Variants in RIMBP2 observed in about 807,000 individuals in gnomAD.
The protein encoded by RIMBP2 is RIMS-binding protein 2.
In RIMBP2, 48 loss-of-function variants were observed where a neutral mutation model predicts 118.6. The observed-to-expected ratio is 0.40, with a 90% CI of 0.32 to 0.51. RIMBP2 has a LOEUF of 0.51. Among genes scored for constraint, RIMBP2 ranks in the 20% least tolerant of loss-of-function variants. The pLI is 0.41. For synonymous variants in RIMBP2, 762 were observed against 742.9 expected (o/e 1.03, Z -0.42); for missense variants, 1,551 against 1,768.3 (o/e 0.88, Z 2.20).
chr12:130,548,620 C>A (rs762169114), intron 2 of RIMBP2, among the ~76,000 whole-genome samples: 4 of 152,074 alleles, frequency 2.6e-5, no homozygotes, highest in Admixed American at 6.5e-5. Context: ...GTCACCCAAG[C>A]TGGAGTGCAG....
chr12:130,479,863 C>T (rs960883923), intron 4 of RIMBP2, among the ~76,000 whole-genome samples: 3 of 151,716 alleles, frequency 2.0e-5, no homozygotes, highest in Non-Finnish European at 2.9e-5. Flanking sequence ...GCTTAATCCC[C>T]AGTGCTCAGG....
chr12:130,673,973 C>G (rs1331513485), intron 1 of RIMBP2, among the ~76,000 whole-genome samples: 1 of 146,782 alleles, frequency 6.8e-6, no homozygotes, highest in Admixed American at 6.7e-5. Flanking sequence ...AAAAAATTAG[C>G]CAGGTGGCGT....
intron 7 of RIMBP2, among the ~76,000 whole-genome samples, chr12:130,456,054 T>C (rs2079408447): frequency 6.6e-6 from 1 of 152,086 alleles, no homozygotes; most frequent in South Asian, 2.1e-4. Flanking sequence ...AACAAGTTAC[T>C]GAGATGAGAA....
chr12:130,528,279 G>A lies in RIMBP2; in HGVS notation c.-216-10362C>T, dbSNP rs150355835. 3.3e-5 allele frequency among the ~76,000 whole-genome samples: 5 copies of A among 152,300 alleles called. No homozygotes were observed. The South Asian group carries it at 6.2e-4, about 19-fold the overall frequency. ...ACTATGCAGCCATAAAAAGGAATGA[G>A]ATCATGTCCTTTGCAGGGACATGGA... On this transcript the variant is annotated intron_variant, in intron 2 of 22. Transcript: ENST00000690449.
In RIMBP2 at chr12:130,471,412, G is replaced by A. The variant is rs78596057; in HGVS notation, c.103-669C>T. Among the ~76,000 whole-genome samples the A allele has an allele frequency of 4.0e-3, 615 of 152,282 alleles. 10 individuals carry two copies. Among genetic ancestry groups the A allele is most frequent in the African/African-American group, 0.014 (575 of 41,554 alleles). ...CGTTATTTCTTGTCCTCACAGGCCC[G>A]GAAGTCCCAGCATCATCATGATGGT... On this transcript the variant is annotated intron_variant, in intron 5 of 22. Coordinates refer to ENST00000690449, the MANE Select transcript of RIMBP2 (RefSeq NM_001393629.1).
chr12:130,454,324 CAG>C (rs1269989834), intron 7 of RIMBP2, among the ~76,000 whole-genome samples: 1 of 152,184 alleles, frequency 6.6e-6, no homozygotes, highest in Non-Finnish European at 1.5e-5. Flanking sequence ...TAAACACATT[CAG>C]AGAGTGGGGG....
rs754200790 is a variant in RIMBP2 at position 130,575,637 on chromosome 12, G to A, written c.-217+52685C>T. 4.6e-5 allele frequency among the ~76,000 whole-genome samples: 7 copies of A among 152,136 alleles called. 1 individual carries two copies. The highest frequency in any genetic ancestry group is 7.2e-5 in the African/African-American group (3 of 41,434). On this transcript the variant is annotated intron_variant, in intron 2 of 22. Transcript: ENST00000690449. ...AAACACACAAAGCTTTGTTCTCCTC[G>A]TCGTGCAGCGTGCTACCTAGCACAT...
At chr12:130,483,064 C>T (rs1270330731) in intron 4 of RIMBP2, among the ~76,000 whole-genome samples, 2 of 49,334 alleles carry the variant, frequency 4.1e-5, no homozygotes, top group Non-Finnish European at 8.2e-5. Context: ...TGTGTGTGTA[C>T]ATGTGTCAGA....
In RIMBP2 at chr12:130,587,838, A is replaced by T. The variant is rs144059757; in HGVS notation, c.-217+40484T>A. Among the ~76,000 whole-genome samples, 1,472 of 150,612 alleles carry T rather than the reference A, an allele frequency of 9.8e-3. 33 individuals carry two copies. Among genetic ancestry groups the T allele is most frequent in the African/African-American group, 0.034 (1,395 of 40,866 alleles). On this transcript the variant is annotated intron_variant, in intron 2 of 22. Coordinates refer to ENST00000690449, the MANE Select transcript of RIMBP2 (RefSeq NM_001393629.1). ...AAAACTTAAAGTATAATAAAAAAAA[A>T]AAAAGAAAAAAAAAAGAAGAGATGG... is the stretch of plus-strand genomic sequence containing the variant.
At chr12:130,711,783 A>G (rs539803551) in intron 1 of RIMBP2, among the ~76,000 whole-genome samples, 12 of 152,368 alleles carry the variant, frequency 7.9e-5, no homozygotes, top group African/African-American at 2.9e-4. Flanking sequence ...CGCCTTGCTT[A>G]ACAAGGATGC....
intron 2 of RIMBP2, among the ~76,000 whole-genome samples, chr12:130,554,024 G>A (rs1288842016): frequency 1.3e-5 from 2 of 152,178 alleles, no homozygotes; most frequent in Non-Finnish European, 2.9e-5. Context: ...TTTACTGCAA[G>A]CCAACTGTGT....
intron 2 of RIMBP2, among the ~76,000 whole-genome samples, chr12:130,547,508 T>A (rs1293165071): frequency 6.6e-6 from 1 of 152,248 alleles, no homozygotes; most frequent in African/African-American, 2.4e-5. Context: ...TAACACTAGC[T>A]ACAGAAATTG....
intron 2 of RIMBP2, among the ~76,000 whole-genome samples, chr12:130,585,639 G>A (rs1403876847): frequency 6.6e-6 from 1 of 150,624 alleles, no homozygotes; most frequent in Non-Finnish European, 1.5e-5. Context: ...AAAGAGGCCA[G>A]TTTTTAAAAC....
At chr12:130,610,585 GAGTCTCGCTCTGTC>G (rs2060472386) in intron 2 of RIMBP2, among the ~76,000 whole-genome samples, 1 of 103,938 alleles carries the variant, frequency 9.6e-6, no homozygotes, top group African/African-American at 4.2e-5. Context: ...TTTTGAGACG[GAGTCTCGCTCTGTC>G]GCCCAGGCTG....
At position 130,431,928 on chromosome 12, in the gene RIMBP2, GA is replaced by G. The variant is rs2077177861; in HGVS notation, c.2253+2805del. 6.0e-6 allele frequency: 1 copy of G among 165,952 alleles called. No individual in the cohort carries two copies. The highest frequency in any genetic ancestry group is 1.3e-5 in the Non-Finnish European group (1 of 77,310). 10.3% of individuals were successfully genotyped at this position (165,952 alleles called of 1,614,324 possible). A position where few individuals can be genotyped will look rare whatever the true frequency, so the allele number is the denominator to read the frequency against. ...TGGCTGTTTACATGTAAACTAATTA[GA>G]ATGTAAACTAATCTGGAACTAATTT... On this transcript the variant is annotated intron_variant, in intron 14 of 22. Transcript: ENST00000690449. This position sits in a 1 kb window ranked among gnomAD's most constrained non-coding sequence, Gnocchi z 4.0.
At chr12:130,625,405 A>G (rs1594087154) in intron 2 of RIMBP2, among the ~76,000 whole-genome samples, 1 of 152,162 alleles carries the variant, frequency 6.6e-6, no homozygotes. Flanking sequence ...CTTTGGAGAG[A>G]TTAAAATTTA....
intron 2 of RIMBP2, among the ~76,000 whole-genome samples, chr12:130,552,506 T>C (rs1191650450): frequency 6.6e-6 from 1 of 152,160 alleles, no homozygotes; most frequent in Admixed American, 6.5e-5. Context: ...AAAATGATAA[T>C]GAGAGTGTTC....
In RIMBP2 at chr12:130,623,858, C is replaced by T. The variant is rs1037080882; in HGVS notation, c.-217+4464G>A. On this transcript the variant is annotated intron_variant, in intron 2 of 22. Transcript: ENST00000690449. This position sits in a 1 kb window ranked among gnomAD's most constrained non-coding sequence, Gnocchi z 4.1. ...CAAGCAGATAATCCCACGGTGTACA[C>T]CACAGTCTCCCAGAGGTTCCACAGC... Among the ~76,000 whole-genome samples the T allele has an allele frequency of 1.4e-4, 21 of 152,188 alleles. No individual in the cohort carries two copies. Among genetic ancestry groups the T allele is most frequent in the African/African-American group, 5.1e-4 (21 of 41,454 alleles).
At chr12:130,612,624 G>A (rs1247750440) in intron 2 of RIMBP2, among the ~76,000 whole-genome samples, 4 of 152,134 alleles carry the variant, frequency 2.6e-5, no homozygotes, top group Non-Finnish European at 4.4e-5. Flanking sequence ...GGTGAAGACC[G>A]TGGTGGCAAG....
Sources: gnomAD v4.1 joint callset for allele counts (sites outside exome capture counted in the v4.1 genomes callset) on GRCh38, gnomAD v4.1.1 for gene constraint, Gnocchi (gnomAD v3.1) non-coding constraint, MANE v1.5 for transcripts, NCBI Gene and HGNC (gene_info 2026-07-23, HGNC 2026-07-21) for gene names.